The following SLC9A9 variants were observed in gnomAD, a reference collection of about 807,000 sequenced individuals.
The protein encoded by SLC9A9 is sodium/hydrogen exchanger 9.
Under a neutral mutation model 77.8 loss-of-function variants are expected in SLC9A9, and 62 were observed. The observed-to-expected ratio is 0.80, with a 90% CI of 0.65 to 0.98. SLC9A9 has a LOEUF of 0.98. SLC9A9 is among the 50% of genes least tolerant of loss of function. The pLI is 0.00. For missense variants in SLC9A9, 775 were observed against 774.9 expected (o/e 1.00, Z 0.00); for synonymous variants, 320 against 283.5 (o/e 1.13, Z -1.29).
chr3:143,433,540 A>T (rs1455705174), intron 12 of SLC9A9, among the ~76,000 whole-genome samples: 1 of 152,156 alleles, frequency 6.6e-6, no homozygotes, highest in Non-Finnish European at 1.5e-5. Context: ...TCAATTTCAC[A>T]CTGTCCCTTG....
chr3:143,616,605 T>C (rs572191599), intron 6 of SLC9A9, among the ~76,000 whole-genome samples: 1 of 152,312 alleles, frequency 6.6e-6, no homozygotes, highest in African/African-American at 2.4e-5. Context: ...TTAGGGATCA[T>C]GATGCCGAGC....
At chr3:143,436,313 C>T (rs1413092887) in intron 12 of SLC9A9, among the ~76,000 whole-genome samples, 1 of 152,228 alleles carries the variant, frequency 6.6e-6, no homozygotes, top group Non-Finnish European at 1.5e-5. Context: ...CCCTAACAGG[C>T]TAATGAGCCA....
At chr3:143,436,886 T>G (rs1021455793) in intron 12 of SLC9A9, among the ~76,000 whole-genome samples, 3 of 152,196 alleles carry the variant, frequency 2.0e-5, no homozygotes, top group Non-Finnish European at 2.9e-5. Context: ...AGTTAACTCT[T>G]ACTTTTCTTT....
intron 5 of SLC9A9, among the ~76,000 whole-genome samples, chr3:143,692,850 G>A (rs968948835): frequency 6.6e-6 from 1 of 152,042 alleles, no homozygotes; most frequent in Non-Finnish European, 1.5e-5. Context: ...ATCTCATTAC[G>A]TTTTAAGAAA....
At chr3:143,758,699 G>A (rs991112506) in intron 4 of SLC9A9, among the ~76,000 whole-genome samples, 2 of 152,136 alleles carry the variant, frequency 1.3e-5, no homozygotes, top group Non-Finnish European at 2.9e-5. Flanking sequence ...AAGTGTAAAT[G>A]ATTCTAAGTG....
At chr3:143,416,843 C>T (rs1416596620) in intron 12 of SLC9A9, among the ~76,000 whole-genome samples, 2 of 152,100 alleles carry the variant, frequency 1.3e-5, no homozygotes, top group East Asian at 1.9e-4. Flanking sequence ...GTGTATATGT[C>T]TACATGCATT....
intron 4 of SLC9A9, among the ~76,000 whole-genome samples, chr3:143,762,573 C>T (rs962622580): frequency 6.6e-6 from 1 of 152,044 alleles, no homozygotes; most frequent in East Asian, 1.9e-4. Context: ...AGCAATTTCC[C>T]CAAGTGAACT....
chr3:143,777,914 C>T (rs1404096931), intron 4 of SLC9A9, among the ~76,000 whole-genome samples: 1 of 151,214 alleles, frequency 6.6e-6, no homozygotes, highest in Non-Finnish European at 1.5e-5. Flanking sequence ...GGGGTTTCAC[C>T]ATGTTGGTCA....
chr3:143,571,850 C>T (rs1550509), intron 8 of SLC9A9, among the ~76,000 whole-genome samples: 69,022 of 152,080 alleles, frequency 0.45, 16,687 homozygotes, highest in African/African-American at 0.64. Flanking sequence ...CAAATCCAAT[C>T]TGGAAATAGG....
chr3:143,297,246 C>T (rs1053454380), intron 14 of SLC9A9, among the ~76,000 whole-genome samples: 1 of 152,150 alleles, frequency 6.6e-6, no homozygotes, highest in Non-Finnish European at 1.5e-5. Context: ...TATAAGCTTT[C>T]CCAGTGCTAT....
At chr3:143,528,565 C>A (rs1306187290) in intron 9 of SLC9A9, among the ~76,000 whole-genome samples, 4 of 152,110 alleles carry the variant, frequency 2.6e-5, no homozygotes, top group Admixed American at 6.5e-5. Context: ...ACCCTATAAC[C>A]CTATGAACAA....
intron 12 of SLC9A9, among the ~76,000 whole-genome samples, chr3:143,429,908 A>G (rs2034479620): frequency 6.6e-6 from 1 of 152,220 alleles, no homozygotes; most frequent in African/African-American, 2.4e-5. Context: ...TAGAGGTCAT[A>G]TCTTTCAAAT....
intron 4 of SLC9A9, among the ~76,000 whole-genome samples, chr3:143,788,734 T>A (rs2008131907): frequency 6.7e-6 from 1 of 148,954 alleles, no homozygotes; most frequent in African/African-American, 2.5e-5. Flanking sequence ...GATGTATACT[T>A]CATACATGCA....
intron 14 of SLC9A9, among the ~76,000 whole-genome samples, chr3:143,286,765 T>A (rs1263063478): frequency 2.6e-5 from 4 of 152,184 alleles, no homozygotes; most frequent in Non-Finnish European, 5.9e-5. Flanking sequence ...CAGAATGGCA[T>A]CTTCTGGTGC....
intron 12 of SLC9A9, among the ~76,000 whole-genome samples, chr3:143,440,267 T>A (rs1194394478): frequency 6.6e-6 from 1 of 152,182 alleles, no homozygotes; most frequent in Non-Finnish European, 1.5e-5. Flanking sequence ...ATCAACAAAG[T>A]CCTTTAAGGC....
intron 12 of SLC9A9, among the ~76,000 whole-genome samples, chr3:143,464,360 A>T (rs1358569232): frequency 6.6e-6 from 1 of 152,232 alleles, no homozygotes; most frequent in Admixed American, 6.5e-5. Context: ...AACATTATAA[A>T]CCATGGTAGG....
At chr3:143,674,276 C>G (rs2039203845) in intron 5 of SLC9A9, among the ~76,000 whole-genome samples, 1 of 152,174 alleles carries the variant, frequency 6.6e-6, no homozygotes, top group African/African-American at 2.4e-5. Context: ...ACTAATCTTG[C>G]CTTAATGAAC....
intron 14 of SLC9A9, among the ~76,000 whole-genome samples, chr3:143,282,413 T>G (rs1247168613): frequency 6.6e-6 from 1 of 152,258 alleles, no homozygotes; most frequent in African/African-American, 2.4e-5. Flanking sequence ...CCTTCTTCAC[T>G]TTGTCTTTCT....
chr3:143,772,775 A>G (rs555403772), intron 4 of SLC9A9, among the ~76,000 whole-genome samples: 138 of 152,340 alleles, frequency 9.1e-4, no homozygotes, highest in African/African-American at 3.2e-3. Context: ...TATAGACGCT[A>G]CTGCCCAAAA....
Sources: allele counts gnomAD v4.1 joint callset (sites outside exome capture counted in the v4.1 genomes callset), GRCh38; gene constraint gnomAD v4.1.1; transcripts MANE v1.5; gene names NCBI Gene and HGNC (gene_info 2026-07-23, HGNC 2026-07-21).